RPRD1B: variants seen among roughly 807,000 people sequenced by gnomAD.
RPRD1B encodes regulation of nuclear pre-mRNA domain containing 1B.
In RPRD1B, 11 loss-of-function variants were observed where a neutral mutation model predicts 41.5. That is an observed-to-expected ratio of 0.27 (90% CI 0.17 to 0.44). The LOEUF (loss-of-function observed/expected upper bound fraction) is 0.44, where lower values mean the gene tolerates loss of function less well. RPRD1B is among the 20% of genes least tolerant of loss of function. The probability of loss-of-function intolerance (pLI) is 1.00; values close to 1 mark genes in which losing one functional copy is unlikely to be tolerated. For synonymous variants in RPRD1B, 158 were observed against 155.6 expected (o/e 1.02, Z -0.12); for missense variants, 248 against 389.9 (o/e 0.64, Z 3.06).
Position 38,075,857 on chromosome 20 carries a change from G to A in RPRD1B, c.831+9601G>A, listed in dbSNP as rs149146843. ...GATGGTACTAGCCAGCTGTCATGAT[G>A]GCTGTGCAAGCCTCCTTATTTGTTT... is the stretch of plus-strand genomic sequence containing the variant. On this transcript the variant is annotated intron_variant, in intron 6 of 6. Transcript: ENST00000373433. Among the ~76,000 whole-genome samples the A allele has an allele frequency of 7.9e-5, 12 of 152,318 alleles. No individual in the cohort carries two copies. In the East Asian group the frequency reaches 2.3e-3, roughly 29 times the overall value.
At chr20:38,079,361 G>C (rs796300033) in intron 6 of RPRD1B, among the ~76,000 whole-genome samples, 26 of 152,084 alleles carry the variant, frequency 1.7e-4, no homozygotes, top group African/African-American at 5.8e-4. Flanking sequence ...TTGTCATCCA[G>C]GTAATTGGCA....
intron 5 of RPRD1B, among the ~76,000 whole-genome samples, chr20:38,062,057 T>TA (rs1229172361): frequency 6.6e-6 from 1 of 152,130 alleles, no homozygotes; most frequent in Admixed American, 6.5e-5. Flanking sequence ...AAGGAGGTAT[T>TA]ACCGTGGAAG....
In RPRD1B at chr20:38,048,914, T is replaced by C. The variant is rs1384410746; in HGVS notation, c.415+433T>C. Among the ~76,000 whole-genome samples, 9 of 152,318 alleles carry C rather than the reference T, an allele frequency of 5.9e-5. No homozygotes were observed. In the South Asian group the frequency reaches 1.4e-3, roughly 25 times the overall value. ...AATGTAGATGTGCTTTTGAAACATA[T>C]CCTTAGGATTGTCAGCATGGTGTCT... On this transcript the variant is annotated intron_variant, in intron 3 of 6. Coordinates refer to ENST00000373433, the MANE Select transcript of RPRD1B (RefSeq NM_021215.4).
At chr20:38,054,026 G>A (rs185893443) in intron 3 of RPRD1B, among the ~76,000 whole-genome samples, 151 of 152,250 alleles carry the variant, frequency 9.9e-4, no homozygotes, top group Non-Finnish European at 1.6e-3. Flanking sequence ...AACTAGAGGC[G>A]GGGAGACAGT....
At chr20:38,064,106 C>T (rs2122733374) in intron 5 of RPRD1B, among the ~76,000 whole-genome samples, 1 of 152,328 alleles carries the variant, frequency 6.6e-6, no homozygotes, top group South Asian at 2.1e-4. Context: ...GGAGCTTGCT[C>T]ATGGACTGAG....
At chr20:38,037,859 T>G (rs1195194260) in intron 1 of RPRD1B, among the ~76,000 whole-genome samples, 3 of 150,884 alleles carry the variant, frequency 2.0e-5, no homozygotes, top group African/African-American at 4.9e-5. Context: ...GATTCTAGGT[T>G]TTTTTTTTTT....
intron 1 of RPRD1B, among the ~76,000 whole-genome samples, chr20:38,037,918 T>G (rs2074020003): frequency 6.6e-6 from 1 of 152,200 alleles, no homozygotes; most frequent in African/African-American, 2.4e-5. Context: ...GAAATTTGCT[T>G]TGTTGAAGTT....
At chr20:38,074,007 G>A (rs1469757537) in intron 6 of RPRD1B, among the ~76,000 whole-genome samples, 1 of 152,168 alleles carries the variant, frequency 6.6e-6, no homozygotes, top group African/African-American at 2.4e-5. Flanking sequence ...CACCCAGGTT[G>A]TTAGAATAGT....
chr20:38,034,162 A>C (rs920573791), intron 1 of RPRD1B, 64 bp downstream of exon 1: 6 of 1,542,958 alleles, frequency 3.9e-6, no homozygotes, highest in Non-Finnish European at 4.4e-6. Context: ...CATACAACCT[A>C]GGCCCCTCTA....
intron 3 of RPRD1B, among the ~76,000 whole-genome samples, chr20:38,052,422 T>A (rs2074195141): frequency 6.6e-6 from 1 of 152,206 alleles, no homozygotes; most frequent in East Asian, 1.9e-4. Flanking sequence ...TTCAGTGAGA[T>A]GATAAGGGTA....
rs1170782705 is a variant in RPRD1B at position 38,050,184 on chromosome 20, G to T, written c.415+1703G>T. On this transcript the variant is annotated intron_variant, in intron 3 of 6. Transcript: ENST00000373433. ...ATCCTTCACTGAGTAACCCTTTTGT[G>T]TACCCTTCATGATCCTTTCCAGGTC... Among the ~76,000 whole-genome samples the T allele has an allele frequency of 2.6e-5, 4 of 152,294 alleles. No homozygotes were observed. The East Asian group carries it at 5.8e-4, about 22-fold the overall frequency.
intron 6 of RPRD1B, among the ~76,000 whole-genome samples, chr20:38,067,521 T>C (rs1413289404): frequency 2.0e-5 from 3 of 152,200 alleles, no homozygotes; most frequent in African/African-American, 4.8e-5. Context: ...CTGAGATCAT[T>C]GTATTTGCCT....
chr20:38,037,514 A>G (rs1191677078), intron 1 of RPRD1B, among the ~76,000 whole-genome samples: 2 of 152,258 alleles, frequency 1.3e-5, no homozygotes, highest in East Asian at 1.9e-4. Flanking sequence ...TTTCTGTCGT[A>G]TAGGAAGGAC....
At chr20:38,044,198 C>T (rs2074097836) in intron 2 of RPRD1B, among the ~76,000 whole-genome samples, 1 of 152,120 alleles carries the variant, frequency 6.6e-6, no homozygotes, top group Non-Finnish European at 1.5e-5. Flanking sequence ...CGAGTCCTCT[C>T]TCAGTGTTAT....
chr20:38,092,251 T>G lies in RPRD1B; in HGVS notation c.*2376T>G. 3.0e-6 allele frequency: 3 copies of G among 984,880 alleles called. No individual in the cohort carries two copies. Among genetic ancestry groups the G allele is most frequent in the Non-Finnish European group, 3.6e-6 (3 of 829,022 alleles). The allele number at this position is 984,880 out of a possible 1,614,324, so 61.0% of individuals were successfully genotyped here. A position where few individuals can be genotyped will look rare whatever the true frequency, so the allele number is the denominator to read the frequency against. The stretch of plus-strand genomic sequence containing the variant: ...TTAAAGAATATTTTCAAAGCTTAAA[T>G]TTGTATATTAATTTAGGACTATTTA... On this transcript the variant is annotated 3_prime_UTR_variant, in exon 7 of 7. Coordinates refer to ENST00000373433, the MANE Select transcript of RPRD1B (RefSeq NM_021215.4).
intron 6 of RPRD1B, among the ~76,000 whole-genome samples, chr20:38,081,834 T>C (rs1364739184): frequency 6.6e-6 from 1 of 152,248 alleles, no homozygotes; most frequent in East Asian, 1.9e-4. Flanking sequence ...TTTTTGTTTT[T>C]AGTTCTGTTT....
At chr20:38,052,743 A>C (rs2122714004) in intron 3 of RPRD1B, among the ~76,000 whole-genome samples, 1 of 144,238 alleles carries the variant, frequency 6.9e-6, no homozygotes, top group Admixed American at 7.2e-5. Context: ...CACTCGGACC[A>C]AACGCGGTGT....
At chr20:38,049,383 T>C (rs1330472403) in intron 3 of RPRD1B, among the ~76,000 whole-genome samples, 13 of 143,950 alleles carry the variant, frequency 9.0e-5, no homozygotes, top group African/African-American at 3.4e-4. Flanking sequence ...TTTTTTTTTT[T>C]TTTTTGAGAC....
At chr20:38,052,139 A>C (rs918723885) in intron 3 of RPRD1B, among the ~76,000 whole-genome samples, 1 of 152,202 alleles carries the variant, frequency 6.6e-6, no homozygotes, top group Non-Finnish European at 1.5e-5. Context: ...TATGGCTATT[A>C]ATGGTAATAC....
Sources: allele counts gnomAD v4.1 joint callset (sites outside exome capture counted in the v4.1 genomes callset), GRCh38; gene constraint gnomAD v4.1.1; transcripts MANE v1.5; gene names NCBI Gene and HGNC (gene_info 2026-07-23, HGNC 2026-07-21).